ETNK1: variants seen among roughly 807,000 people sequenced by gnomAD.
ETNK1 encodes the protein ethanolamine kinase 1.
Under a neutral mutation model 45.1 loss-of-function variants are expected in ETNK1, and 8 were observed. The ratio of observed to expected loss-of-function variants is 0.18; its 90% CI spans 0.10 to 0.32. The LOEUF is 0.32. Among genes scored for constraint, ETNK1 ranks in the 10% least tolerant of loss-of-function variants. The pLI is 1.00. For missense variants in ETNK1, 302 were observed against 430.6 expected (o/e 0.70, Z 2.64); for synonymous variants, 152 against 151.9 (o/e 1.00, Z -0.01).
chr12:22,662,063 C>G (rs896310278), intron 4 of ETNK1, among the ~76,000 whole-genome samples: 1 of 147,926 alleles, frequency 6.8e-6, no homozygotes, highest in Non-Finnish European at 1.5e-5. Flanking sequence ...CGCACCCCCC[C>G]CCCCTTTTTT....
intron 5 of ETNK1, 117 bp from the exon 6 acceptor site, chr12:22,673,383 C>G: frequency 1.5e-6 from 1 of 664,830 alleles, no homozygotes; most frequent in Non-Finnish European, 2.4e-6. Flanking sequence ...ATGCAGTATT[C>G]CAGCCAAAAT....
intron 1 of ETNK1, among the ~76,000 whole-genome samples, chr12:22,629,743 A>ACTTTTTTT (rs1953551273): frequency 6.6e-6 from 1 of 152,140 alleles, no homozygotes; most frequent in East Asian, 1.9e-4. Flanking sequence ...TTTTTAATAT[A>ACTTTTTTT]TTAAAAAAGT....
intron 2 of ETNK1, among the ~76,000 whole-genome samples, chr12:22,652,916 G>T (rs1473201653): frequency 6.6e-6 from 1 of 152,132 alleles, no homozygotes; most frequent in African/African-American, 2.4e-5. Flanking sequence ...CAAGTATCCA[G>T]TGTGATGAAG....
chr12:22,626,817 A>G (rs1352170469), intron 1 of ETNK1, among the ~76,000 whole-genome samples: 5 of 152,246 alleles, frequency 3.3e-5, no homozygotes, highest in Non-Finnish European at 7.3e-5. Context: ...GAAATAGTGA[A>G]TCCAAAGTGA....
intron 2 of ETNK1, chr12:22,656,627 G>T (rs1014448965): frequency 6.1e-6 from 6 of 985,356 alleles, no homozygotes; most frequent in Non-Finnish European, 6.0e-6. Flanking sequence ...TCTGAATCCA[G>T]CATGGAGCAG....
intron 2 of ETNK1, among the ~76,000 whole-genome samples, chr12:22,648,870 C>T (rs558361582): frequency 6.6e-6 from 1 of 152,222 alleles, no homozygotes; most frequent in African/African-American, 2.4e-5. Context: ...TGCTCCACAT[C>T]CTCACCAGCA....
chr12:22,659,148 A>G lies in ETNK1; in HGVS notation c.551A>G (p.Asn184Ser), dbSNP rs758460930. Residue 184 changes from asparagine (N) to serine (S), a missense_variant, in exon 3 of 8, where the codon AAT becomes AGT. Asn to Ser is a conservative substitution (Grantham distance 46, BLOSUM62 1). Transcript: ENST00000266517. ...IPTGFADEDI[N>S]KRFLSDIPSS... ...ACAGGATTTGCAGATGAAGACATTA[A>G]TAAAAGGTAAAATTATTTTTACATT... 6.2e-7 allele frequency: 1 copy of G among 1,612,080 alleles called. No homozygotes were observed. The highest frequency in any genetic ancestry group is 8.5e-7 in the Non-Finnish European group (1 of 1,179,132).
intron 4 of ETNK1, among the ~76,000 whole-genome samples, chr12:22,668,012 A>G (rs1028735041): frequency 2.0e-5 from 3 of 152,208 alleles, no homozygotes; most frequent in Non-Finnish European, 2.9e-5. Flanking sequence ...CATTAATCAT[A>G]TACTTTACTT....
chr12:22,660,957 G>A (rs1953993238), intron 3 of ETNK1, 106 bp from the exon 4 acceptor site: 3 of 902,734 alleles, frequency 3.3e-6, no homozygotes, highest in Non-Finnish European at 1.7e-6. Flanking sequence ...GAATTCAGCA[G>A]TATGTGCGAT....
At chr12:22,658,561 T>C (rs758762602) in intron 2 of ETNK1, among the ~76,000 whole-genome samples, 1 of 152,128 alleles carries the variant, frequency 6.6e-6, no homozygotes, top group Non-Finnish European at 1.5e-5. Flanking sequence ...TTCAGAATCA[T>C]TGAGATATAG....
At chr12:22,681,377 A>T (rs1446951389) in intron 6 of ETNK1, among the ~76,000 whole-genome samples, 1 of 152,006 alleles carries the variant, frequency 6.6e-6, no homozygotes, top group Non-Finnish European at 1.5e-5. Flanking sequence ...TTTAAAATGC[A>T]GAATGACTCT....
At chr12:22,639,040 A>G (rs934989020) in intron 1 of ETNK1, 1 of 152,084 alleles carries the variant, frequency 6.6e-6, no homozygotes, top group African/African-American at 2.4e-5. Context: ...TTTTATACGT[A>G]TTTGTTTGAG....
chr12:22,661,331 A>G (rs528695758), intron 4 of ETNK1, 126 bp downstream of exon 4: 1 of 603,670 alleles, frequency 1.7e-6, no homozygotes, highest in African/African-American at 1.9e-5. Flanking sequence ...ACCTTTAAAG[A>G]TTTTCTTTTA....
At chr12:22,626,426 CAA>C (rs76724285) in intron 1 of ETNK1, among the ~76,000 whole-genome samples, 1 of 150,362 alleles carries the variant, frequency 6.7e-6, no homozygotes, top group Non-Finnish European at 1.5e-5. Flanking sequence ...CCCTTGCAAA[CAA>C]AAAAAAACAG....
intron 6 of ETNK1, among the ~76,000 whole-genome samples, chr12:22,679,388 C>A (rs1011907221): frequency 2.0e-5 from 3 of 152,154 alleles, no homozygotes; most frequent in Non-Finnish European, 4.4e-5. Flanking sequence ...AGTTATCCTA[C>A]CTTCTTCTGC....
At chr12:22,664,247 AATAAT>A (rs1215289156) in intron 4 of ETNK1, among the ~76,000 whole-genome samples, 3 of 152,018 alleles carry the variant, frequency 2.0e-5, no homozygotes, top group Admixed American at 6.6e-5. Flanking sequence ...TTAATATGCA[AATAAT>A]ATAATATGCA....
rs1244874185 is a variant in ETNK1 at position 22,673,647 on chromosome 12, A to G, written c.932A>G (p.Asn311Ser). 4 of 1,613,078 alleles carry G rather than the reference A, an allele frequency of 2.5e-6. No homozygotes were observed. The highest frequency in any genetic ancestry group is 1.7e-4 in the Middle Eastern group (1 of 6,060). Residue 311 changes from asparagine to serine, a missense_variant, in exon 6 of 8, where the codon AAT (asparagine) becomes AGT (serine). Transcript: ENST00000266517. Reference protein sequence around the residue: ...KEVEILFIQVNQFALASHFFW... With the variant: ...KEVEILFIQVSQFALASHFFW... ...GTAGAAATACTCTTCATTCAAGTCA[A>G]TCAGTTTGCATTGGTAAGTTTAAAT...
At chr12:22,648,472 A>G (rs1287715687) in intron 2 of ETNK1, among the ~76,000 whole-genome samples, 1 of 152,018 alleles carries the variant, frequency 6.6e-6, no homozygotes, top group African/African-American at 2.4e-5. Context: ...TCATTTAATT[A>G]AGTAGCCTCA....
intron 4 of ETNK1, among the ~76,000 whole-genome samples, chr12:22,664,169 T>G (rs73253849): frequency 0.047 from 7,094 of 152,000 alleles, 541 homozygotes; most frequent in African/African-American, 0.16. Context: ...TATTATTTAA[T>G]AAATTTAATA....
Sources: allele counts gnomAD v4.1 joint callset (sites outside exome capture counted in the v4.1 genomes callset), GRCh38; gene constraint gnomAD v4.1.1; transcripts MANE v1.5; gene names NCBI Gene and HGNC (gene_info 2026-07-23, HGNC 2026-07-21).